Variants in NXPH2 observed in about 807,000 individuals in gnomAD.
NXPH2 encodes the protein neurexophilin 2.
Under a neutral mutation model 19.8 loss-of-function variants are expected in NXPH2, and 5 were observed. That is an observed-to-expected ratio of 0.25 (90% CI 0.13 to 0.53). The LOEUF (loss-of-function observed/expected upper bound fraction) is 0.53, where lower values mean the gene tolerates loss of function less well. NXPH2 is among the 20% of genes least tolerant of loss of function. The probability of loss-of-function intolerance (pLI) is 0.96; values close to 1 mark genes in which losing one functional copy is unlikely to be tolerated. For missense variants in NXPH2, 289 were observed against 322.8 expected, an observed-to-expected ratio of 0.90 and a Z score of 0.80; for synonymous variants, 154 against 127.4, an observed-to-expected ratio of 1.21 and a Z score of -1.41.
intron 1 of NXPH2, among the ~76,000 whole-genome samples, chr2:138,699,651 G>C (rs1680888380): frequency 6.6e-6 from 1 of 152,116 alleles, no homozygotes; most frequent in South Asian, 2.1e-4. Context: ...GGCAGGCCTT[G>C]CTGGGCCAGG....
chr2:138,706,434 C>A (rs1681009782), intron 1 of NXPH2, among the ~76,000 whole-genome samples: 1 of 152,186 alleles, frequency 6.6e-6, no homozygotes, highest in South Asian at 2.1e-4. Context: ...GCCCAAGTAT[C>A]CCGAATGCAC....
At chr2:138,705,868 T>C (rs1681001194) in intron 1 of NXPH2, among the ~76,000 whole-genome samples, 1 of 152,212 alleles carries the variant, frequency 6.6e-6, no homozygotes, top group Non-Finnish European at 1.5e-5. Context: ...TCGGACCAAA[T>C]GCCTCCACTT....
rs142845243 is a variant in NXPH2 at position 138,693,675 on chromosome 2, C to T, written c.52-22010G>A. Among the ~76,000 whole-genome samples the T allele has an allele frequency of 5.1e-3, 768 of 151,906 alleles. 8 individuals carry two copies. Among genetic ancestry groups the T allele is most frequent in the African/African-American group, 0.017 (722 of 41,420 alleles). ...TACCAGCAGGGATGTCCAGCATTAG[C>T]CAGGTGAGATTCACAGTGGTTCACT... On this transcript the variant is annotated intron_variant, in intron 1 of 1. Transcript: ENST00000272641.
At chr2:138,718,968 G>A (rs1681235725) in intron 1 of NXPH2, among the ~76,000 whole-genome samples, 1 of 152,018 alleles carries the variant, frequency 6.6e-6, no homozygotes, top group Non-Finnish European at 1.5e-5. Flanking sequence ...GTTGGGGGGT[G>A]GGGGAGGAAG....
At chr2:138,685,244 T>A (rs938858141) in intron 1 of NXPH2, among the ~76,000 whole-genome samples, 1 of 152,242 alleles carries the variant, frequency 6.6e-6, no homozygotes, top group Admixed American at 6.5e-5. Context: ...CTGATCTGCC[T>A]ATGGATTTTG....
rs58409379 is a variant in NXPH2 at position 138,728,155 on chromosome 2, G to GCTCT, written c.51+52032_51+52035dup. 3.2e-3 allele frequency among the ~76,000 whole-genome samples: 480 copies of GCTCT among 148,732 alleles called. 4 individuals carry two copies. The highest frequency in any genetic ancestry group is 0.01 in the African/African-American group (413 of 40,718). The stretch of plus-strand genomic sequence containing the variant: ...TTAAGAGAAGAAGACACCAGAGTGC[G>GCTCT]CTCTCTCTCTCTCTCTCTCTCTCTG... On this transcript the variant is annotated intron_variant, in intron 1 of 1. Transcript: ENST00000272641.
At chr2:138,734,955 T>C (rs1681516247) in intron 1 of NXPH2, among the ~76,000 whole-genome samples, 2 of 152,268 alleles carry the variant, frequency 1.3e-5, no homozygotes, top group Admixed American at 6.5e-5. Flanking sequence ...GATGTAGATT[T>C]AGGGGCCATC....
intron 1 of NXPH2, among the ~76,000 whole-genome samples, chr2:138,757,859 ATCT>A (rs996434509): frequency 3.3e-5 from 4 of 120,802 alleles, no homozygotes; most frequent in Non-Finnish European, 7.2e-5. Context: ...CTATCTATCT[ATCT>A]ATCTCCCACT....
intron 1 of NXPH2, among the ~76,000 whole-genome samples, chr2:138,720,654 T>A (rs1171357240): frequency 6.6e-6 from 1 of 152,196 alleles, no homozygotes; most frequent in Non-Finnish European, 1.5e-5. Flanking sequence ...TAATCCTGGG[T>A]GCAGAGGAGC....
intron 1 of NXPH2, among the ~76,000 whole-genome samples, chr2:138,749,992 C>T (rs771671408): frequency 4.6e-5 from 7 of 152,026 alleles, no homozygotes; most frequent in Non-Finnish European, 1.0e-4. Flanking sequence ...TCAAATAAGA[C>T]AAAGAAAATA....
At chr2:138,685,206 C>A (rs925024300) in intron 1 of NXPH2, among the ~76,000 whole-genome samples, 6 of 152,206 alleles carry the variant, frequency 3.9e-5, no homozygotes, top group Non-Finnish European at 8.8e-5. Context: ...ATGGCAGCAT[C>A]AACTCCTGCC....
intron 1 of NXPH2, among the ~76,000 whole-genome samples, chr2:138,685,162 G>A (rs1188810797): frequency 6.6e-6 from 1 of 152,208 alleles, no homozygotes; most frequent in African/African-American, 2.4e-5. Flanking sequence ...GCAAAACTGA[G>A]GTTTCCTTGA....
At chr2:138,682,327 C>T (rs1364156157) in intron 1 of NXPH2, among the ~76,000 whole-genome samples, 1 of 152,158 alleles carries the variant, frequency 6.6e-6, no homozygotes, top group African/African-American at 2.4e-5. Context: ...AAAACAGGAA[C>T]ATGCATCTGC....
intron 1 of NXPH2, among the ~76,000 whole-genome samples, chr2:138,747,436 T>C (rs1356116693): frequency 6.6e-6 from 1 of 152,170 alleles, no homozygotes; most frequent in African/African-American, 2.4e-5. Context: ...ACTGGAAAGC[T>C]GAATGTAATC....
chr2:138,756,358 A>C (rs1681908712), intron 1 of NXPH2, among the ~76,000 whole-genome samples: 1 of 152,048 alleles, frequency 6.6e-6, no homozygotes. Flanking sequence ...CACTTACTCT[A>C]AGATTTTTCA....
rs78063292 is a variant in NXPH2 at position 138,683,854 on chromosome 2, C to A, written c.52-12189G>T. On this transcript the variant is annotated intron_variant, in intron 1 of 1. Transcript: ENST00000272641. The stretch of plus-strand genomic sequence containing the variant: ...ATAAATTTTCCAACTTTCTTAGATA[C>A]ATAGTACAGTATTTCACTTAAATGT... Among the ~76,000 whole-genome samples, 225 of 152,198 alleles carry A rather than the reference C, an allele frequency of 1.5e-3. 2 individuals carry two copies. Among genetic ancestry groups the A allele is most frequent in the East Asian group, 0.011 (55 of 5,188 alleles).
intron 1 of NXPH2, among the ~76,000 whole-genome samples, chr2:138,693,852 G>C (rs1178667393): frequency 6.6e-6 from 1 of 152,126 alleles, no homozygotes; most frequent in East Asian, 1.9e-4. Flanking sequence ...TTCTCAAAAA[G>C]ATATGTTGAA....
At chr2:138,720,376 A>G (rs1483809922) in intron 1 of NXPH2, among the ~76,000 whole-genome samples, 1 of 152,214 alleles carries the variant, frequency 6.6e-6, no homozygotes, top group East Asian at 1.9e-4. Flanking sequence ...TTCACTGACC[A>G]GGGTCATTAT....
intron 1 of NXPH2, among the ~76,000 whole-genome samples, chr2:138,710,855 C>A (rs1681094609): frequency 6.6e-6 from 1 of 152,112 alleles, no homozygotes; most frequent in Admixed American, 6.5e-5. Flanking sequence ...CTAAACCACC[C>A]ATGCCAAACA....
Sources: gnomAD v4.1 joint callset for allele counts (sites outside exome capture counted in the v4.1 genomes callset) on GRCh38, gnomAD v4.1.1 for gene constraint, MANE v1.5 for transcripts, NCBI Gene and HGNC (gene_info 2026-07-23, HGNC 2026-07-21) for gene names.